Variants in MIPOL1 observed in about 807,000 individuals in gnomAD.
MIPOL1 encodes the protein mirror-image polydactyly gene 1 protein.
MIPOL1 carries 57 observed loss-of-function variants against 60.9 expected under a neutral mutation model. The ratio of observed to expected loss-of-function variants is 0.94; its 90% CI spans 0.76 to 1.17. MIPOL1 has a LOEUF of 1.17. Ranked by LOEUF, MIPOL1 falls within the 50% of genes most tolerant of loss-of-function variation. The pLI, the probability that MIPOL1 is intolerant of heterozygous loss-of-function variation, is 0.00. For synonymous variants in MIPOL1, 179 were observed against 168.8 expected, an observed-to-expected ratio of 1.06 and a Z score of -0.47; for missense variants, 551 against 511.6, an observed-to-expected ratio of 1.08 and a Z score of -0.74.
chr14:37,310,233 G>A (rs931231573), intron 9 of MIPOL1, among the ~76,000 whole-genome samples: 2 of 152,070 alleles, frequency 1.3e-5, no homozygotes, highest in Non-Finnish European at 2.9e-5. Context: ...TGTAAGGCAG[G>A]AGAAAAATCA....
At chr14:37,222,731 T>G (rs1969022342) in intron 1 of MIPOL1, among the ~76,000 whole-genome samples, 1 of 152,204 alleles carries the variant, frequency 6.6e-6, no homozygotes, top group African/African-American at 2.4e-5. Flanking sequence ...GTTTCAAACT[T>G]GGCCTACAGC....
intron 12 of MIPOL1, among the ~76,000 whole-genome samples, chr14:37,521,103 A>G (rs1363861881): frequency 6.6e-6 from 1 of 151,434 alleles, no homozygotes; most frequent in Non-Finnish European, 1.5e-5. Context: ...CGCCTGGCTA[A>G]TTTTTGTATT....
chr14:37,542,526 T>G (rs1345997306), intron 12 of MIPOL1, among the ~76,000 whole-genome samples: 5 of 152,046 alleles, frequency 3.3e-5, no homozygotes, highest in African/African-American at 1.2e-4. Flanking sequence ...ACATCAAACT[T>G]TTTATACCTG....
chr14:37,415,247 T>G (rs1042042794), intron 10 of MIPOL1, among the ~76,000 whole-genome samples: 44 of 152,222 alleles, frequency 2.9e-4, no homozygotes, highest in African/African-American at 8.9e-4. Context: ...TAAAATAAAC[T>G]ATATGAGTTA....
At chr14:37,487,364 G>A (rs1397537135) in intron 11 of MIPOL1, among the ~76,000 whole-genome samples, 1 of 152,124 alleles carries the variant, frequency 6.6e-6, no homozygotes, top group African/African-American at 2.4e-5. Flanking sequence ...AATGAGTTAG[G>A]GAAGATTCCC....
chr14:37,440,361 G>T (rs1017816755), intron 11 of MIPOL1, among the ~76,000 whole-genome samples: 2 of 152,040 alleles, frequency 1.3e-5, no homozygotes, highest in South Asian at 4.1e-4. Flanking sequence ...GACTTTTAGG[G>T]TATCCATCAC....
chr14:37,413,473 C>A (rs2093712671), intron 10 of MIPOL1, among the ~76,000 whole-genome samples: 1 of 152,176 alleles, frequency 6.6e-6, no homozygotes, highest in Admixed American at 6.6e-5. Flanking sequence ...GGTTCTTATT[C>A]TTTGCCTCCC....
chr14:37,306,608 A>G (rs2086804161), intron 7 of MIPOL1, among the ~76,000 whole-genome samples: 1 of 151,864 alleles, frequency 6.6e-6, no homozygotes, highest in African/African-American at 2.4e-5. Flanking sequence ...CACCACATAT[A>G]ACTTCCTTAG....
At chr14:37,495,338 A>T (rs375673927) in intron 11 of MIPOL1, among the ~76,000 whole-genome samples, 1 of 131,640 alleles carries the variant, frequency 7.6e-6, no homozygotes, top group Admixed American at 8.7e-5. Context: ...TGTCCATGTG[A>T]TCTCATTGTT....
chr14:37,362,305 G>C (rs1383218396), intron 9 of MIPOL1, among the ~76,000 whole-genome samples: 3 of 152,104 alleles, frequency 2.0e-5, no homozygotes, highest in Admixed American at 1.3e-4. Flanking sequence ...GGCAGGCCTG[G>C]TGGTGGCAAA....
intron 12 of MIPOL1, among the ~76,000 whole-genome samples, chr14:37,513,165 A>G (rs994957046): frequency 1.3e-5 from 2 of 152,152 alleles, no homozygotes; most frequent in Non-Finnish European, 2.9e-5. Context: ...ATGCTTTTAA[A>G]GAATTTAATA....
chr14:37,308,292 T>C, intron 8 of MIPOL1, 57 bp from the exon 9 acceptor site: 1 of 1,381,134 alleles, frequency 7.2e-7, no homozygotes, highest in African/African-American at 1.5e-5. Context: ...TAAAACCCTA[T>C]ATTAAATAAA....
rs1328563025 is a variant in MIPOL1 at position 37,301,252 on chromosome 14, C to T, written c.624-6804C>T. 1.3e-4 allele frequency among the ~76,000 whole-genome samples: 2 copies of T among 15,504 alleles called. 1 individual carries two copies. The highest frequency in any genetic ancestry group is 1.6e-4 in the African/African-American group (2 of 12,274). 10.2% of individuals were successfully genotyped at this position (15,504 alleles called of 152,430 possible). A position where few individuals can be genotyped will look rare whatever the true frequency, so the allele number is the denominator to read the frequency against. ...ATATCAAGCTAAACATGAGTTCACA[C>T]TGATGTTCTTAATTCTAATCCATTA... On this transcript the variant is annotated intron_variant, in intron 7 of 12. Transcript: ENST00000684589.
At chr14:37,526,369 CTTTT>C (rs1191140443) in intron 12 of MIPOL1, among the ~76,000 whole-genome samples, 1 of 128,198 alleles carries the variant, frequency 7.8e-6, no homozygotes. Flanking sequence ...TACTTCTTTT[CTTTT>C]TTTTTTTTTT....
chr14:37,518,427 C>T (rs1281853717), intron 12 of MIPOL1, among the ~76,000 whole-genome samples: 3 of 152,210 alleles, frequency 2.0e-5, no homozygotes, highest in South Asian at 4.1e-4. Context: ...TTCCGCCTCC[C>T]GGGTTCAAGT....
rs935716181 is a variant in MIPOL1 at position 37,318,487 on chromosome 14, A to T, written c.828+9968A>T. ...TGTCAGTTTGTTAATTTGCTTTCCT[A>T]TCATACAATTATTTGCTTATGCATG... On this transcript the variant is annotated intron_variant, in intron 9 of 12. Coordinates refer to ENST00000684589, the MANE Select transcript of MIPOL1 (RefSeq NM_001388067.1). Among the ~76,000 whole-genome samples the T allele has an allele frequency of 7.9e-5, 12 of 152,116 alleles. No homozygotes were observed. In the East Asian group the frequency reaches 2.3e-3, roughly 29 times the overall value.
intron 9 of MIPOL1, among the ~76,000 whole-genome samples, chr14:37,318,771 A>G (rs1386897750): frequency 6.6e-6 from 1 of 151,722 alleles, no homozygotes. Context: ...TTTGTTAGAC[A>G]TTCTCATAAT....
chr14:37,264,379 A>G (rs559398350), intron 3 of MIPOL1, among the ~76,000 whole-genome samples: 2 of 152,020 alleles, frequency 1.3e-5, no homozygotes, highest in Admixed American at 1.3e-4. Context: ...TAATCCCAAT[A>G]CTTTGGGAGG....
chr14:37,375,994 G>T (rs1270334788), intron 10 of MIPOL1, among the ~76,000 whole-genome samples: 3 of 151,866 alleles, frequency 2.0e-5, no homozygotes, highest in Non-Finnish European at 2.9e-5. Flanking sequence ...ATGTTCTCTG[G>T]GTTAGTTATT....
Sources: allele counts gnomAD v4.1 joint callset (sites outside exome capture counted in the v4.1 genomes callset), GRCh38; gene constraint gnomAD v4.1.1; transcripts MANE v1.5; gene names NCBI Gene and HGNC (gene_info 2026-07-23, HGNC 2026-07-21).